KDM5B: variants seen among roughly 807,000 people sequenced by gnomAD.
The protein encoded by KDM5B is lysine demethylase 5B.
A neutral mutation model predicts 193.4 loss-of-function variants in KDM5B; 144 were observed. That is an observed-to-expected ratio of 0.74 (90% CI 0.65 to 0.86). The LOEUF is 0.86. Among genes scored for constraint, KDM5B ranks in the 40% least tolerant of loss-of-function variants. KDM5B has a pLI of 0.00. For synonymous variants in KDM5B, 668 were observed against 682.6 expected (o/e 0.98, Z 0.33); for missense variants, 1,833 against 1,886.9 (o/e 0.97, Z 0.53).
chr1:202,797,988 C>G (rs1369916059), intron 1 of KDM5B, among the ~76,000 whole-genome samples: 1 of 152,184 alleles, frequency 6.6e-6, no homozygotes, highest in Non-Finnish European at 1.5e-5. Context: ...CTCAGGAGTT[C>G]AAGACCAGCC....
At chr1:202,736,017 C>T (rs1655079422) in intron 21 of KDM5B, among the ~76,000 whole-genome samples, 196 bp downstream of exon 21, 1 of 152,198 alleles carries the variant, frequency 6.6e-6, no homozygotes, top group Non-Finnish European at 1.5e-5. Flanking sequence ...TCTTTAGATA[C>T]TGTTATGCTA....
At chr1:202,740,362 AC>A (rs1380726283) in intron 20 of KDM5B, among the ~76,000 whole-genome samples, 2 of 110,952 alleles carry the variant, frequency 1.8e-5, no homozygotes, top group African/African-American at 3.2e-5. Flanking sequence ...CGGGGGGCTG[AC>A]CCCCCCACCT....
intron 1 of KDM5B, among the ~76,000 whole-genome samples, chr1:202,799,551 G>T (rs529339662): frequency 6.6e-6 from 1 of 152,092 alleles, no homozygotes; most frequent in Non-Finnish European, 1.5e-5. Context: ...TACTAGGAAG[G>T]CTGAGGCAGG....
chr1:202,798,262 AT>A (rs1307681387), intron 1 of KDM5B, among the ~76,000 whole-genome samples: 5 of 151,112 alleles, frequency 3.3e-5, no homozygotes, highest in African/African-American at 1.2e-4. Flanking sequence ...ATTATAGTCT[AT>A]ATATTCTAGG....
Position 202,808,314 on chromosome 1 carries a change from G to T in KDM5B, c.-9C>A, listed in dbSNP as rs140228931. The stretch of plus-strand genomic sequence containing the variant: ...GTGGTGGCCGCCTCCATCACCGCAG[G>T]CTGGGCAAGGGCGAGGCGAAGGTGG... On this transcript the variant is annotated 5_prime_UTR_variant, in exon 1 of 27. Transcript: ENST00000367265. 1.4e-5 allele frequency: 22 copies of T among 1,581,384 alleles called. No individual in the cohort carries two copies. In the African/African-American group the frequency reaches 2.8e-4, roughly 20 times the overall value.
At chr1:202,747,606 T>C (rs1333889017) in intron 14 of KDM5B, among the ~76,000 whole-genome samples, 1 of 150,474 alleles carries the variant, frequency 6.6e-6, no homozygotes, top group Non-Finnish European at 1.5e-5. Flanking sequence ...TATTTGCAGA[T>C]ATTATTATTC....
At chr1:202,774,479 T>C in intron 3 of KDM5B, 134 bp downstream of exon 3, 2 of 751,112 alleles carry the variant, frequency 2.7e-6, no homozygotes, top group South Asian at 1.9e-5. Flanking sequence ...CCTCCTCCCT[T>C]GACCTCCCAA....
At chr1:202,774,390 C>T (rs781713849) in intron 3 of KDM5B, among the ~76,000 whole-genome samples, 4 of 152,102 alleles carry the variant, frequency 2.6e-5, no homozygotes, top group Non-Finnish European at 5.9e-5. Flanking sequence ...TACTACAGGG[C>T]CCGTGCCACC....
chr1:202,782,033 C>A (rs1657219310), intron 1 of KDM5B, among the ~76,000 whole-genome samples: 1 of 151,922 alleles, frequency 6.6e-6, no homozygotes, highest in Non-Finnish European at 1.5e-5. Flanking sequence ...TAGCATAAAG[C>A]TAAAATGAAT....
chr1:202,782,610 T>C (rs967718814), intron 1 of KDM5B, among the ~76,000 whole-genome samples: 4 of 152,200 alleles, frequency 2.6e-5, no homozygotes, highest in Non-Finnish European at 5.9e-5. Flanking sequence ...TCAAATTATG[T>C]AGTCAAATAA....
intron 3 of KDM5B, among the ~76,000 whole-genome samples, 171 bp from the exon 4 acceptor site, chr1:202,773,459 T>G (rs1656806091): frequency 6.6e-6 from 1 of 152,084 alleles, no homozygotes; most frequent in African/African-American, 2.4e-5. Flanking sequence ...ACTATTAATT[T>G]TAAGTTAGAA....
rs768990738 is a variant in KDM5B at position 202,764,111 on chromosome 1, G to T, written c.746C>A (p.Thr249Lys). 1.9e-6 allele frequency: 3 copies of T among 1,574,566 alleles called. No individual in the cohort carries two copies. In the Admixed American group the frequency reaches 5.7e-5, roughly 30 times the overall value. ...MNIKIEPEETTEARTHNLRRR... is the reference protein window; with the variant it reads ...MNIKIEPEETKEARTHNLRRR... The stretch of plus-strand genomic sequence containing the variant: ...TCTCAGATTATGAGTTCTGGCTTCC[G>T]TTGTCTCCTCGGGTTCTATTTTAAT... The change falls in exon 6 of 27, where the codon ACG (threonine) becomes AAG (lysine). Residue 249 changes from threonine (T) to lysine (K), a missense_variant. By Grantham distance (78) the Thr-to-Lys change is moderately conservative. Around this residue, in one of 3 missense-constraint regions of KDM5B, gnomAD observed 355 missense variants for 374.9 expected, o/e 0.95. Transcript: ENST00000367265.
In KDM5B at chr1:202,735,914, C is replaced by T. The variant is rs548891342; in HGVS notation, c.3264+299G>A. On this transcript the variant is annotated intron_variant, in intron 21 of 26. Transcript: ENST00000367265. Reference sequence around the variant, plus strand: ...TTAAAAAATGGGGGAGATCATTTATCAGGCTTACTAAATTCAGGTGGGCGA... The same window carrying T: ...TTAAAAAATGGGGGAGATCATTTATTAGGCTTACTAAATTCAGGTGGGCGA... 9.8e-5 allele frequency among the ~76,000 whole-genome samples: 15 copies of T among 152,338 alleles called. 1 individual carries two copies. The South Asian group carries it at 1.9e-3, about 19-fold the overall frequency.
intron 20 of KDM5B, among the ~76,000 whole-genome samples, chr1:202,739,995 C>G (rs1408498321): frequency 2.6e-5 from 4 of 152,246 alleles, no homozygotes; most frequent in Non-Finnish European, 5.9e-5. Context: ...TTGGGTACAC[C>G]TCCCAGACGG....
chr1:202,777,971 T>C (rs1302064472), intron 1 of KDM5B, among the ~76,000 whole-genome samples: 1 of 152,020 alleles, frequency 6.6e-6, no homozygotes, highest in East Asian at 1.9e-4. Flanking sequence ...GGTCAGGAGT[T>C]CAAGACCAGC....
At chr1:202,757,519 G>A (rs981044668) in intron 9 of KDM5B, among the ~76,000 whole-genome samples, 6 of 151,888 alleles carry the variant, frequency 4.0e-5, no homozygotes, top group African/African-American at 1.5e-4. Context: ...AAATAGAAGA[G>A]GTTACATGCA....
At chr1:202,784,594 A>G (rs1657330338) in intron 1 of KDM5B, among the ~76,000 whole-genome samples, 1 of 152,232 alleles carries the variant, frequency 6.6e-6, no homozygotes, top group Non-Finnish European at 1.5e-5. Flanking sequence ...GCACAAATGC[A>G]AAAGGTAGAA....
At chr1:202,793,046 G>T (rs1479050776) in intron 1 of KDM5B, among the ~76,000 whole-genome samples, 1 of 150,912 alleles carries the variant, frequency 6.6e-6, no homozygotes, top group Non-Finnish European at 1.5e-5. Flanking sequence ...AAAGAGAGAA[G>T]CAGGCTAATT....
At position 202,746,149 on chromosome 1, in the gene KDM5B, T is replaced by C. The variant is rs1414135919; in HGVS notation, c.2191A>G (p.Lys731Glu). 5 of 1,605,560 alleles carry C rather than the reference T, an allele frequency of 3.1e-6. No individual in the cohort carries two copies. The highest frequency in any genetic ancestry group is 3.4e-6 in the Non-Finnish European group (4 of 1,176,902). Reference protein sequence around the residue: ...ELCSCPPYKYKLRYRYTLDDL... With the variant: ...ELCSCPPYKYELRYRYTLDDL... Reference sequence around the variant, plus strand: ...ATCGTTCTTCCTACTTACCGCAATTTATATTTGTAAGGAGGACAGGAACAC... The same window carrying C: ...ATCGTTCTTCCTACTTACCGCAATTCATATTTGTAAGGAGGACAGGAACAC... Residue 731 changes from lysine (K) to glutamate (E), a missense_variant, in exon 15 of 27, where the codon AAA becomes GAA. Lys to Glu is a moderately conservative substitution (Grantham distance 56, BLOSUM62 1). Coordinates refer to ENST00000367265, the MANE Select transcript of KDM5B (RefSeq NM_006618.5).
Sources: gnomAD v4.1 joint callset for allele counts (sites outside exome capture counted in the v4.1 genomes callset) on GRCh38, gnomAD v4.1.1 for gene constraint, gnomAD v4.1.1 regional missense constraint, MANE v1.5 for transcripts, NCBI Gene and HGNC (gene_info 2026-07-23, HGNC 2026-07-21) for gene names.